The following IPO8 variants were observed in gnomAD, a reference collection of about 807,000 sequenced individuals.
The protein encoded by IPO8 is importin-8.
In IPO8, 65 loss-of-function variants were observed where a neutral mutation model predicts 141.2. The observed-to-expected ratio is 0.46, with a 90% confidence interval of 0.38 to 0.57. The LOEUF is 0.57. Ranked by LOEUF, IPO8 falls within the 20% of genes least tolerant of loss-of-function variation. IPO8 has a pLI of 0.00. For missense variants in IPO8, 980 were observed against 1,246.8 expected (o/e 0.79, Z 3.22); for synonymous variants, 411 against 420.3 (o/e 0.98, Z 0.27).
In IPO8 at chr12:30,669,292, GAAA is replaced by G; in HGVS notation, c.1045-13_1045-11del. The G allele has an allele frequency of 3.3e-6, 3 of 899,800 alleles. No homozygotes were observed. Among genetic ancestry groups the G allele is most frequent in the Non-Finnish European group, 4.7e-6 (3 of 634,908 alleles). The allele number at this position is 899,800 out of a possible 1,614,324, so 55.7% of individuals were successfully genotyped here. A position where few individuals can be genotyped will look rare whatever the true frequency, so the allele number is the denominator to read the frequency against. On this transcript the variant is annotated splice_polypyrimidine_tract_variant and intron_variant, in intron 9 of 24. Transcript: ENST00000256079. ...CATCTTCAGAGATATTCTAAAATGA[GAAA>G]AAAAAAAAAACGTAACAAATGGGTA...
chr12:30,689,910 C>G (rs956023730), intron 2 of IPO8, among the ~76,000 whole-genome samples: 6 of 152,002 alleles, frequency 3.9e-5, no homozygotes, highest in Non-Finnish European at 7.4e-5. Context: ...TTTGAAAATT[C>G]ATGATACTCT....
chr12:30,669,017 CTCTAGT>C (rs527744768), intron 10 of IPO8, among the ~76,000 whole-genome samples, 160 bp downstream of exon 10: 1 of 152,198 alleles, frequency 6.6e-6, no homozygotes, highest in Non-Finnish European at 1.5e-5. Context: ...ATCTCCAGTT[CTCTAGT>C]TCAACAAAAT....
At position 30,695,544 on chromosome 12, in the gene IPO8, G is replaced by T. The variant is rs772450312; in HGVS notation, c.84+20C>A. 6.2e-7 allele frequency: 1 copy of T among 1,606,678 alleles called. No homozygotes were observed. Among genetic ancestry groups the T allele is most frequent in the East Asian group, 2.2e-5 (1 of 44,708 alleles). Reference sequence around the variant, plus strand: ...GGCGCCCCTTCGGCGGAAGAGGGTCGCCGAAGACCCTCTCCTCACCTGGTT... The same window carrying T: ...GGCGCCCCTTCGGCGGAAGAGGGTCTCCGAAGACCCTCTCCTCACCTGGTT... On this transcript the variant is annotated intron_variant, in intron 1 of 24. Coordinates refer to ENST00000256079, the MANE Select transcript of IPO8 (RefSeq NM_006390.4). This position sits in a 1 kb window ranked among gnomAD's most constrained non-coding sequence, Gnocchi z 4.2.
intron 22 of IPO8, among the ~76,000 whole-genome samples, chr12:30,634,669 G>A (rs1036895874): frequency 6.6e-6 from 1 of 151,912 alleles, no homozygotes; most frequent in Non-Finnish European, 1.5e-5. Flanking sequence ...GTGACTGTAC[G>A]GTCAGTGCAT....
At chr12:30,660,252 T>C (rs1323591279) in intron 16 of IPO8, among the ~76,000 whole-genome samples, 1 of 152,132 alleles carries the variant, frequency 6.6e-6, no homozygotes, top group African/African-American at 2.4e-5. Context: ...AAAGTAGTAC[T>C]AGCACCTGCT....
Position 30,652,485 on chromosome 12 carries a change from A to G in IPO8, c.2075-196T>C, listed in dbSNP as rs79913523. ...GTGGAGCAGAAAGACTAAGATGCTC[A>G]TCATTTATGAAGTAATTGTGCTGAA... On this transcript the variant is annotated intron_variant, in intron 18 of 24. Transcript: ENST00000256079. Among the ~76,000 whole-genome samples the G allele has an allele frequency of 8.2e-3, 1,252 of 152,186 alleles. 16 individuals carry two copies. Among genetic ancestry groups the G allele is most frequent in the African/African-American group, 0.029 (1,205 of 41,558 alleles).
chr12:30,661,402 G>A, intron 15 of IPO8, 136 bp from the exon 16 acceptor site: 1 of 589,624 alleles, frequency 1.7e-6, no homozygotes, highest in Non-Finnish European at 2.7e-6. Context: ...TTTGCTGACT[G>A]AATCATCTCT....
intron 10 of IPO8, among the ~76,000 whole-genome samples, chr12:30,667,324 C>T (rs1338464197): frequency 6.6e-6 from 1 of 152,184 alleles, no homozygotes; most frequent in African/African-American, 2.4e-5. Context: ...CACAGTCACA[C>T]AGCAGGTAAG....
chr12:30,689,914 A>G (rs992865027), intron 2 of IPO8, among the ~76,000 whole-genome samples: 6 of 152,170 alleles, frequency 3.9e-5, no homozygotes, highest in Non-Finnish European at 7.3e-5. Flanking sequence ...AAAATTCATG[A>G]TACTCTAAGG....
chr12:30,644,780 G>A (rs1430190751), intron 20 of IPO8, among the ~76,000 whole-genome samples: 6 of 151,462 alleles, frequency 4.0e-5, no homozygotes, highest in African/African-American at 1.5e-4. Flanking sequence ...AGCCTCCCAA[G>A]TAGCTGGGAT....
In IPO8 at chr12:30,687,923, C is replaced by A. The variant is rs75444980; in HGVS notation, c.166+2573G>T. The stretch of plus-strand genomic sequence containing the variant: ...AAACTTATAGAAATCAAAAACCATG[C>A]TATTTTTTTAAATGACAGTCCCACA... On this transcript the variant is annotated intron_variant, in intron 2 of 24. Transcript: ENST00000256079. Among the ~76,000 whole-genome samples the A allele has an allele frequency of 1.2e-3, 190 of 152,198 alleles. 2 individuals carry two copies. The highest frequency in any genetic ancestry group is 4.4e-3 in the African/African-American group (183 of 41,562).
intron 23 of IPO8, 109 bp from the exon 24 acceptor site, chr12:30,632,120 A>G: frequency 1.4e-6 from 1 of 703,810 alleles, no homozygotes. Context: ...AGTAAGAGAC[A>G]AAGAGTACAG....
chr12:30,642,829 A>G (rs1266444881), intron 20 of IPO8, among the ~76,000 whole-genome samples: 1 of 152,104 alleles, frequency 6.6e-6, no homozygotes, highest in South Asian at 2.1e-4. Context: ...ACCAAAGACT[A>G]TTAGAATCAG....
rs762035678 is a variant in IPO8 at position 30,639,721 on chromosome 12, G to A, written c.2283C>T (p.Phe761=). ...TTAATCTCTCCAAAACAAGTTGAAC[G>A]AAGAGTGGAATGCACTAGAAGACAA... The part of the protein sequence containing the change: ...GRGIDQCIPL[F]VQLVLERLTR... Residue 761 remains phenylalanine, a synonymous_variant, in exon 21 of 25, where the codon TTC becomes TTT. Coordinates refer to ENST00000256079, the MANE Select transcript of IPO8 (RefSeq NM_006390.4). 28 of 1,613,668 alleles carry A rather than the reference G, an allele frequency of 1.7e-5. No homozygotes were observed. In the East Asian group the frequency reaches 1.8e-4, roughly 10 times the overall value.
At chr12:30,673,604 A>G (rs1040702976) in intron 8 of IPO8, among the ~76,000 whole-genome samples, 1 of 152,230 alleles carries the variant, frequency 6.6e-6, no homozygotes, top group Non-Finnish European at 1.5e-5. Flanking sequence ...AGACCAATTC[A>G]TATTATATAA....
intron 17 of IPO8, among the ~76,000 whole-genome samples, chr12:30,654,738 G>A (rs577238255): frequency 3.9e-5 from 6 of 152,034 alleles, no homozygotes; most frequent in Admixed American, 2.0e-4. Context: ...AAAGGAAACT[G>A]TTGTATACTC....
chr12:30,664,271 G>A (rs2052930280), intron 13 of IPO8, among the ~76,000 whole-genome samples: 2 of 152,120 alleles, frequency 1.3e-5, no homozygotes, highest in South Asian at 2.1e-4. Context: ...AAATGCTCAT[G>A]TGCCCTCAGC....
At chr12:30,643,148 T>C (rs906121249) in intron 20 of IPO8, among the ~76,000 whole-genome samples, 1 of 152,050 alleles carries the variant, frequency 6.6e-6, no homozygotes, top group Non-Finnish European at 1.5e-5. Flanking sequence ...AAAGAAGAAA[T>C]GACAGAATTA....
chr12:30,676,067 G>A (rs1165530541), intron 6 of IPO8, among the ~76,000 whole-genome samples: 1 of 151,786 alleles, frequency 6.6e-6, no homozygotes, highest in Non-Finnish European at 1.5e-5. Flanking sequence ...GCTGGCACAT[G>A]CTACCACATC....
Sources: allele counts gnomAD v4.1 joint callset (sites outside exome capture counted in the v4.1 genomes callset), GRCh38; gene constraint gnomAD v4.1.1; non-coding constraint Gnocchi (gnomAD v3.1); transcripts MANE v1.5; gene names NCBI Gene and HGNC (gene_info 2026-07-23, HGNC 2026-07-21).